CALU: variants seen among roughly 807,000 people sequenced by gnomAD.
CALU encodes calumenin, also known as IEF SSP 9302.
Under a neutral mutation model 37.5 loss-of-function variants are expected in CALU, and 13 were observed. That is an observed-to-expected ratio of 0.35 (90% CI 0.23 to 0.55). The LOEUF is 0.55. CALU is among the 20% of genes least tolerant of loss of function. The pLI is 0.89. For missense variants in CALU, 282 were observed against 391.7 expected (o/e 0.72, Z 2.36); for synonymous variants, 114 against 133.8 (o/e 0.85, Z 1.02).
intron 5 of CALU, among the ~76,000 whole-genome samples, chr7:128,765,870 G>A (rs914115167): frequency 6.6e-6 from 1 of 152,160 alleles, no homozygotes; most frequent in Admixed American, 6.5e-5. Flanking sequence ...ATAAGTTGAT[G>A]GAAGATTTGT....
At chr7:128,748,310 A>G in intron 1 of CALU, 2 of 1,362,600 alleles carry the variant, frequency 1.5e-6, no homozygotes, top group Non-Finnish European at 2.0e-6. Flanking sequence ...AAGAAAACAG[A>G]AAGTGGACAT....
chr7:128,742,272 C>T (rs1238134525), intron 1 of CALU, among the ~76,000 whole-genome samples: 3 of 152,194 alleles, frequency 2.0e-5, no homozygotes, highest in Non-Finnish European at 1.5e-5. Context: ...AAATTGCTAT[C>T]AGTCTGTTCC....
chr7:128,772,567 G>A lies in CALU; in HGVS notation c.*3400G>A, dbSNP rs1801627332. On this transcript the variant is annotated 3_prime_UTR_variant, in exon 7 of 7. Coordinates refer to ENST00000249364, the MANE Select transcript of CALU (RefSeq NM_001219.5). ...AGTTGGGGCCAACTTGGGTAGACGA[G>A]ACAGTAGAAACTTCTGTTTTCTGGG... is the stretch of plus-strand genomic sequence containing the variant. 1 of 1,614,188 alleles carries A rather than the reference G, an allele frequency of 6.2e-7. No individual in the cohort carries two copies. Among genetic ancestry groups the A allele is most frequent in the Non-Finnish European group, 8.5e-7 (1 of 1,180,038 alleles).
intron 1 of CALU, among the ~76,000 whole-genome samples, chr7:128,740,016 A>G (rs949277849): frequency 6.6e-6 from 1 of 152,242 alleles, no homozygotes; most frequent in Non-Finnish European, 1.5e-5. Flanking sequence ...TAGAGCTTCC[A>G]TATTTGGCTA....
chr7:128,762,368 CT>C (rs547572221), intron 5 of CALU, among the ~76,000 whole-genome samples: 4,016 of 131,386 alleles, frequency 0.031, 108 homozygotes, highest in East Asian at 0.14. Flanking sequence ...TGCATGTGTG[CT>C]TTTTTTTTTT....
Position 128,767,537 on chromosome 7 carries a change from A to T in CALU, c.725A>T (p.Asp242Val). The T allele has an allele frequency of 6.2e-7, 1 of 1,614,026 alleles. No individual in the cohort carries two copies. The highest frequency in any genetic ancestry group is 2.2e-5 in the East Asian group (1 of 44,894). The change falls in exon 6 of 7, where the codon GAT becomes GTT. Residue 242 changes from aspartate to valine, a missense_variant. Asp to Val is a radical substitution (Grantham distance 152, BLOSUM62 -3). Transcript: ENST00000249364. ...CGAGAGCAGTTTGTTGAGTTTCGGG[A>T]TAAGAACCGTGATGGGAAGATGGAC... ...TEREQFVEFR[D>V]KNRDGKMDKE... is the part of the protein sequence containing the mutation.
chr7:128,754,187 T>C (rs1800779625), intron 2 of CALU, 75 bp from the exon 3 acceptor site: 16 of 1,157,296 alleles, frequency 1.4e-5, no homozygotes, highest in Admixed American at 2.2e-5. Context: ...GCATTAGCCC[T>C]GGGCACACAC....
At chr7:128,753,369 A>G (rs953531911) in intron 2 of CALU, among the ~76,000 whole-genome samples, 1 of 152,230 alleles carries the variant, frequency 6.6e-6, no homozygotes, top group Non-Finnish European at 1.5e-5. Flanking sequence ...CTTTGCCCCT[A>G]TAGTTAAGTG....
At chr7:128,755,159 A>G (rs186837) in intron 3 of CALU, among the ~76,000 whole-genome samples, 1 of 143,768 alleles carries the variant, frequency 7.0e-6, no homozygotes, top group African/African-American at 2.5e-5. Context: ...AAAAAAAAAA[A>G]TTTAAATTAG....
At chr7:128,757,397 AG>A (rs1800929933) in intron 3 of CALU, among the ~76,000 whole-genome samples, 1 of 137,040 alleles carries the variant, frequency 7.3e-6, no homozygotes, top group African/African-American at 3.0e-5. Context: ...GTGTGTACAC[AG>A]GATCCCAAAG....
chr7:128,742,613 A>G (rs1466888024), intron 1 of CALU, among the ~76,000 whole-genome samples: 2 of 152,242 alleles, frequency 1.3e-5, no homozygotes, highest in Non-Finnish European at 2.9e-5. Flanking sequence ...TCCAATGGAT[A>G]CACTATGGAC....
chr7:128,739,609 C>T (rs1440075086), intron 1 of CALU, among the ~76,000 whole-genome samples, 177 bp downstream of exon 1: 1 of 151,956 alleles, frequency 6.6e-6, no homozygotes. Flanking sequence ...CTGTGTGCAG[C>T]CTGGGATGGA....
intron 5 of CALU, among the ~76,000 whole-genome samples, chr7:128,765,129 G>A (rs1015606495): frequency 2.0e-5 from 3 of 152,028 alleles, no homozygotes; most frequent in African/African-American, 2.4e-5. Flanking sequence ...TGCCCAGGCT[G>A]GTCTGGAAAT....
intron 1 of CALU, among the ~76,000 whole-genome samples, chr7:128,746,042 T>G (rs1321949061): frequency 6.6e-6 from 1 of 152,202 alleles, no homozygotes; most frequent in Non-Finnish European, 1.5e-5. Flanking sequence ...TTTAATTTTG[T>G]TTTGCTTTTT....
At chr7:128,768,863 A>C (rs868585730) in intron 6 of CALU, among the ~76,000 whole-genome samples, 200 bp from the exon 7 acceptor site, 7 of 147,936 alleles carry the variant, frequency 4.7e-5, no homozygotes, top group African/African-American at 1.8e-4. Flanking sequence ...AAAAAAAAAA[A>C]AAAAACAAGG....
chr7:128,740,273 T>A (rs1306676933), intron 1 of CALU, among the ~76,000 whole-genome samples: 6 of 152,206 alleles, frequency 3.9e-5, no homozygotes, highest in Non-Finnish European at 5.9e-5. Context: ...GTGATCTGAA[T>A]TCCTAAGTGT....
At chr7:128,745,647 C>T (rs1024400281) in intron 1 of CALU, among the ~76,000 whole-genome samples, 4 of 152,120 alleles carry the variant, frequency 2.6e-5, no homozygotes, top group Admixed American at 2.6e-4. Flanking sequence ...TTTCATTTTG[C>T]CCTGAAGTAA....
chr7:128,748,930 A>G (rs1323978691), intron 2 of CALU, 126 bp downstream of exon 2: 1 of 629,564 alleles, frequency 1.6e-6, no homozygotes, highest in Non-Finnish European at 2.7e-6. Context: ...TCTGAAAGCT[A>G]ACCATGGAAT....
intron 2 of CALU, among the ~76,000 whole-genome samples, chr7:128,751,692 C>T (rs1287987099): frequency 6.6e-6 from 1 of 151,966 alleles, no homozygotes; most frequent in African/African-American, 2.4e-5. Context: ...GTACCACTGC[C>T]CTCCAGCCTG....
Sources: gnomAD v4.1 joint callset for allele counts (sites outside exome capture counted in the v4.1 genomes callset) on GRCh38, gnomAD v4.1.1 for gene constraint, MANE v1.5 for transcripts, NCBI Gene and HGNC (gene_info 2026-07-23, HGNC 2026-07-21) for gene names.